The following MSTO1 variants were observed in gnomAD, a reference collection of about 807,000 sequenced individuals.
MSTO1 encodes misato mitochondrial distribution and morphology regulator 1.
Under a neutral mutation model 55.7 loss-of-function variants are expected in MSTO1, and 24 were observed. The ratio of observed to expected loss-of-function variants is 0.43; its 90% CI spans 0.31 to 0.61. The LOEUF (loss-of-function observed/expected upper bound fraction) is 0.61. Among genes scored for constraint, MSTO1 ranks in the 20% least tolerant of loss-of-function variants. The probability of loss-of-function intolerance (pLI) is 0.09; values close to 1 mark genes in which losing one functional copy is unlikely to be tolerated. For missense variants in MSTO1, 363 were observed against 625.7 expected (o/e 0.58, Z 4.48); for synonymous variants, 162 against 252.8 (o/e 0.64, Z 3.41).
chr1:155,587,351 A>T, the MSTO1 span, among the ~76,000 whole-genome samples: 1 of 148,946 alleles, frequency 6.7e-6, no homozygotes, highest in South Asian at 2.1e-4. Flanking sequence ...GAAGCAGGAG[A>T]ATCCGTTCAA....
At chr1:155,582,233 C>CGTCCAGTTACA in the MSTO1 span, among the ~76,000 whole-genome samples, 1 of 151,994 alleles carries the variant, frequency 6.6e-6, no homozygotes, top group Non-Finnish European at 1.5e-5. Flanking sequence ...CCTTACCTAC[C>CGTCCAGTTACA]GTCCAGTTAC....
the MSTO1 span, among the ~76,000 whole-genome samples, chr1:155,564,880 G>A: frequency 2.0e-5 from 3 of 152,202 alleles, no homozygotes; most frequent in African/African-American, 7.2e-5. Flanking sequence ...CCAGCACTTT[G>A]GGAGGCCAAG....
chr1:155,580,491 C>T, the MSTO1 span, among the ~76,000 whole-genome samples: 11 of 151,938 alleles, frequency 7.2e-5, no homozygotes, highest in African/African-American at 1.2e-4. Context: ...GCCGTGATCA[C>T]GCCACTGCAC....
the MSTO1 span, among the ~76,000 whole-genome samples, chr1:155,567,514 G>A: frequency 2.0e-5 from 3 of 151,004 alleles, no homozygotes; most frequent in Non-Finnish European, 3.0e-5. Flanking sequence ...GGGTTTCACC[G>A]TGGTCTCGAT....
chr1:155,610,245 C>T lies in MSTO1; in HGVS notation c.-4C>T. ...GGCGCGGCGGCCCCGTGGAGCAGCG[C>T]AGTATGGCGGGCGGGGCCCGGGAGG... is the stretch of plus-strand genomic sequence containing the variant. On this transcript the variant is annotated 5_prime_UTR_variant, in exon 1 of 14. Coordinates refer to ENST00000245564, the MANE Select transcript of MSTO1 (RefSeq NM_018116.4). 1.6e-6 allele frequency: 1 copy of T among 637,520 alleles called. No individual in the cohort carries two copies. Among genetic ancestry groups the T allele is most frequent in the South Asian group, 1.8e-5 (1 of 54,378 alleles). The allele number at this position is 637,520 out of a possible 1,614,324, so 39.5% of individuals were successfully genotyped here. A position where few individuals can be genotyped will look rare whatever the true frequency, so the allele number is the denominator to read the frequency against.
In MSTO1 at chr1:155,612,093, A is replaced by G. The variant is rs773520221; in HGVS notation, c.671A>G (p.Tyr224Cys). The change falls in exon 7 of 14, where the codon TAC (tyrosine) becomes TGC (cysteine). Residue 224 changes from tyrosine to cysteine, a missense_variant. This residue lies in a region of MSTO1 where 94 missense variants were observed against 212.4 expected (regional missense o/e 0.44). Coordinates refer to ENST00000245564, the MANE Select transcript of MSTO1 (RefSeq NM_018116.4). ...RLHFYVEECD[Y>C]LQGFQILCDL... ...CATTTCTACGTGGAGGAATGTGACTACTTGCAGGTAGTGGCGTGGCAATGT... is the reference window on the plus strand; with the variant it reads ...CATTTCTACGTGGAGGAATGTGACTGCTTGCAGGTAGTGGCGTGGCAATGT... 1.1e-5 allele frequency: 17 copies of G among 1,611,692 alleles called. No homozygotes were observed. The East Asian group carries it at 3.6e-4, about 34-fold the overall frequency.
chr1:155,591,866 G>A, the MSTO1 span, among the ~76,000 whole-genome samples: 2 of 152,072 alleles, frequency 1.3e-5, no homozygotes, highest in Non-Finnish European at 2.9e-5. Context: ...CTACTTGGGA[G>A]GCTGAGGCAG....
At chr1:155,597,754 C>A in the MSTO1 span, among the ~76,000 whole-genome samples, 1 of 151,608 alleles carries the variant, frequency 6.6e-6, no homozygotes. Flanking sequence ...AGGTGATCCA[C>A]CCGCCTTGGT....
At chr1:155,578,387 C>T in the MSTO1 span, among the ~76,000 whole-genome samples, 1 of 118,018 alleles carries the variant, frequency 8.5e-6, no homozygotes, top group Non-Finnish European at 1.6e-5. Flanking sequence ...CACTCTGTCA[C>T]CCACACTGGC....
the MSTO1 span, among the ~76,000 whole-genome samples, chr1:155,575,069 G>T: frequency 2.0e-4 from 30 of 152,042 alleles, no homozygotes; most frequent in East Asian, 5.8e-3. Context: ...GTTTTGCCAT[G>T]TTGACCAGGC....
the MSTO1 span, among the ~76,000 whole-genome samples, chr1:155,564,643 T>G: frequency 0.034 from 5,224 of 152,298 alleles, 130 homozygotes; most frequent in Middle Eastern, 0.078. Context: ...ATTACCTCAT[T>G]GTATATTTTC....
the MSTO1 span, among the ~76,000 whole-genome samples, chr1:155,570,866 G>A: frequency 1.3e-5 from 2 of 152,156 alleles, no homozygotes; most frequent in Non-Finnish European, 2.9e-5. Context: ...CCGAGGATAA[G>A]GGTGGACTAC....
chr1:155,599,628 T>G, the MSTO1 span, among the ~76,000 whole-genome samples: 1 of 152,128 alleles, frequency 6.6e-6, no homozygotes, highest in Non-Finnish European at 1.5e-5. Flanking sequence ...AGACAAAGTA[T>G]GGAGAAAGAA....
chr1:155,597,790 G>T, the MSTO1 span, among the ~76,000 whole-genome samples: 1 of 150,382 alleles, frequency 6.6e-6, no homozygotes, highest in Non-Finnish European at 1.5e-5. Flanking sequence ...GATTACAGGC[G>T]TGAGCCACAG....
At chr1:155,573,127 A>G in the MSTO1 span, among the ~76,000 whole-genome samples, 4 of 152,182 alleles carry the variant, frequency 2.6e-5, no homozygotes, top group Non-Finnish European at 5.9e-5. Context: ...AGTTCCCTTA[A>G]CCATGGACAT....
chr1:155,599,490 TC>T, the MSTO1 span, among the ~76,000 whole-genome samples: 2 of 152,024 alleles, frequency 1.3e-5, no homozygotes, highest in South Asian at 4.1e-4. Context: ...CATTCTAGAG[TC>T]ATCAGTATAG....
At chr1:155,576,698 T>A in the MSTO1 span, among the ~76,000 whole-genome samples, 2 of 151,546 alleles carry the variant, frequency 1.3e-5, no homozygotes, top group Non-Finnish European at 2.9e-5. Flanking sequence ...ATAATGAAGA[T>A]TTACTCCTGT....
At chr1:155,566,488 A>C in the MSTO1 span, among the ~76,000 whole-genome samples, 1 of 152,090 alleles carries the variant, frequency 6.6e-6, no homozygotes, top group Non-Finnish European at 1.5e-5. Context: ...AAGAAAAATT[A>C]GCCAGGCCAT....
chr1:155,606,198 C>CTTTTTT (rs747681932), upstream of MSTO1, among the ~76,000 whole-genome samples: 333 of 28,114 alleles, frequency 0.012, 13 homozygotes, highest in Non-Finnish European at 0.016. Context: ...CATGCCCAGC[C>CTTTTTT]TTTTTTTTTT....
Sources: allele counts gnomAD v4.1 joint callset (sites outside exome capture counted in the v4.1 genomes callset), GRCh38; gene constraint gnomAD v4.1.1; regional missense constraint gnomAD v4.1.1; transcripts MANE v1.5; gene names NCBI Gene and HGNC (gene_info 2026-07-23, HGNC 2026-07-21).